Variants in USP53 observed in about 807,000 individuals in gnomAD.
USP53 encodes the protein ubiquitin specific peptidase 53, also known as ubiquitin carboxyl-terminal hydrolase 53.
USP53 carries 71 observed loss-of-function variants against 94.9 expected under a neutral mutation model. The ratio of observed to expected loss-of-function variants is 0.75; its 90% CI spans 0.62 to 0.91. USP53 has a LOEUF of 0.91. USP53 is among the 40% of genes least tolerant of loss of function. The pLI is 0.00. For missense variants in USP53, 1,173 were observed against 1,281.0 expected (o/e 0.92, Z 1.29); for synonymous variants, 375 against 422.7 (o/e 0.89, Z 1.39).
intron 7 of USP53, among the ~76,000 whole-genome samples, chr4:119,250,327 A>G (rs1462322481): frequency 1.3e-5 from 2 of 152,160 alleles, no homozygotes; most frequent in African/African-American, 4.8e-5. Context: ...CACCCAATCC[A>G]TTCTCTGTAG....
In USP53 at chr4:119,256,312, A is replaced by G; in HGVS notation, c.439A>G (p.Lys147Glu). ...CAGAGATGCAGACATGTGTACCTCT[A>G]AATCTTGTATCACTCACCAGAAGTT... The part of the protein sequence containing the change: ...PSRDADMCTS[K>E]SCITHQKFAM... The change falls in exon 8 of 19, where the codon AAA (lysine) becomes GAA (glutamate). Residue 147 changes from lysine (K) to glutamate (E), a missense_variant. Transcript: ENST00000692078. 1 of 1,614,012 alleles carries G rather than the reference A, an allele frequency of 6.2e-7. No homozygotes were observed. Among genetic ancestry groups the G allele is most frequent in the Non-Finnish European group, 8.5e-7 (1 of 1,179,974 alleles).
intron 7 of USP53, among the ~76,000 whole-genome samples, chr4:119,255,627 T>C (rs1161214395): frequency 1.3e-5 from 2 of 151,890 alleles, no homozygotes; most frequent in Non-Finnish European, 2.9e-5. Context: ...TCGGCAGGAG[T>C]GTATGGCTCC....
intron 15 of USP53, among the ~76,000 whole-genome samples, chr4:119,270,540 C>G (rs1430974024): frequency 6.6e-6 from 1 of 152,146 alleles, no homozygotes; most frequent in African/African-American, 2.4e-5. Flanking sequence ...ATATAATTCA[C>G]TCATGGCACA....
At position 119,261,800 on chromosome 4, in the gene USP53, G is replaced by T. The variant is rs201979435; in HGVS notation, c.908G>T (p.Cys303Phe). The T allele has an allele frequency of 4.4e-5, 67 of 1,526,282 alleles. No individual in the cohort carries two copies. Among genetic ancestry groups the T allele is most frequent in the Non-Finnish European group, 5.6e-5 (63 of 1,120,138 alleles). 94.5% of individuals were successfully genotyped at this position (1,526,282 alleles called of 1,614,324 possible). A position where few individuals can be genotyped will look rare whatever the true frequency, so the allele number is the denominator to read the frequency against. The change falls in exon 12 of 19, where the codon TGT becomes TTT. Residue 303 changes from cysteine to phenylalanine, a missense_variant. By Grantham distance (205) the Cys-to-Phe change is radical. Coordinates refer to ENST00000692078, the MANE Select transcript of USP53 (RefSeq NM_001371395.1). ...ATCTGCTACACCAGCCAACATTATT[G>T]TGCCTTTGCATTTCACACCAAAAGT... ...GMICYTSQHY[C>F]AFAFHTKSSK...
At chr4:119,212,637 TG>T, upstream of USP53, 1 of 376,580 alleles carries the variant, frequency 2.7e-6, no homozygotes, top group South Asian at 1.9e-5. Flanking sequence ...GACTGGTCCC[TG>T]GGTATTGGGG....
intron 3 of USP53, among the ~76,000 whole-genome samples, chr4:119,231,469 C>G (rs1379759787): frequency 6.6e-6 from 1 of 152,036 alleles, no homozygotes; most frequent in Non-Finnish European, 1.5e-5. Context: ...AAAGAAGGTA[C>G]CTCTTCCCTT....
At chr4:119,263,703 A>G (rs1750769731) in intron 12 of USP53, among the ~76,000 whole-genome samples, 1 of 152,196 alleles carries the variant, frequency 6.6e-6, no homozygotes, top group Non-Finnish European at 1.5e-5. Flanking sequence ...GAACCTTCAG[A>G]AAAGTATTAC....
At position 119,260,573 on chromosome 4, in the gene USP53, G is replaced by A; in HGVS notation, c.742G>A (p.Gly248Ser). The A allele has an allele frequency of 1.9e-6, 3 of 1,613,972 alleles. No individual in the cohort carries two copies. The highest frequency in any genetic ancestry group is 2.5e-6 in the Non-Finnish European group (3 of 1,179,912). The stretch of plus-strand genomic sequence containing the variant: ...GAATTGCCCAGAGATTGTTACAATT[G>A]GTTTAGTCTGGGACTCCGAGCATTC... ...LMNCPEIVTI[G>S]LVWDSEHSDL... is the part of the protein sequence containing the mutation. The change falls in exon 11 of 19, where the codon GGT becomes AGT. Residue 248 changes from glycine (G) to serine (S), a missense_variant. Transcript: ENST00000692078.
intron 6 of USP53, among the ~76,000 whole-genome samples, 159 bp from the exon 7 acceptor site, chr4:119,248,589 G>A (rs1748556079): frequency 6.6e-6 from 1 of 152,144 alleles, no homozygotes; most frequent in Non-Finnish European, 1.5e-5. Flanking sequence ...TTCTACACTT[G>A]ATGATACAAA....
intron 3 of USP53, among the ~76,000 whole-genome samples, chr4:119,225,525 T>C (rs777249186): frequency 2.7e-4 from 41 of 152,098 alleles, no homozygotes; most frequent in Admixed American, 1.2e-3. Context: ...GGCGGGCAGA[T>C]CACGAGGTCC....
chr4:119,259,732 C>A, intron 9 of USP53, 88 bp from the exon 10 acceptor site: 2 of 850,446 alleles, frequency 2.4e-6, no homozygotes, highest in Non-Finnish European at 3.5e-6. Context: ...AAAAGTGATG[C>A]ACATCTAAAC....
At chr4:119,273,520 C>G in intron 16 of USP53, 112 bp from the exon 17 acceptor site, 2 of 689,432 alleles carry the variant, frequency 2.9e-6, no homozygotes, top group Non-Finnish European at 4.9e-6. Flanking sequence ...TACATTAAGC[C>G]CTAGAACAGC....
At chr4:119,226,072 A>G (rs948088702) in intron 3 of USP53, among the ~76,000 whole-genome samples, 1 of 152,206 alleles carries the variant, frequency 6.6e-6, no homozygotes, top group African/African-American at 2.4e-5. Context: ...AGAATCATAT[A>G]ATCATCTCAG....
At chr4:119,280,437 G>A (rs1254645366) in intron 17 of USP53, among the ~76,000 whole-genome samples, 2 of 152,092 alleles carry the variant, frequency 1.3e-5, no homozygotes, top group East Asian at 3.8e-4. Flanking sequence ...TGATAGCTTA[G>A]AAACTGGCTG....
At chr4:119,270,710 G>A (rs1051799295) in intron 15 of USP53, among the ~76,000 whole-genome samples, 4 of 152,124 alleles carry the variant, frequency 2.6e-5, no homozygotes, top group Admixed American at 2.0e-4. Context: ...TAATTTAACT[G>A]ATAGTGATAG....
chr4:119,286,097 T>C (rs1463149078), intron 17 of USP53, among the ~76,000 whole-genome samples: 1 of 151,890 alleles, frequency 6.6e-6, no homozygotes. Flanking sequence ...GTAGTAAATT[T>C]ATCCATAAAT....
At chr4:119,213,641 G>GATATATAT (rs141285286) in intron 1 of USP53, among the ~76,000 whole-genome samples, 2,359 of 108,052 alleles carry the variant, frequency 0.022, 93 homozygotes, top group East Asian at 0.078. Context: ...TCTGGAAATA[G>GATATATAT]ATATATATAT....
intron 3 of USP53, among the ~76,000 whole-genome samples, chr4:119,225,892 A>G (rs1338272290): frequency 6.6e-6 from 1 of 152,256 alleles, no homozygotes; most frequent in Non-Finnish European, 1.5e-5. Context: ...ATGCATAAAA[A>G]GAATAGGTTT....
At position 119,271,807 on chromosome 4, in the gene USP53, A is replaced by G. The variant is rs1319702880; in HGVS notation, c.1947A>G (p.Glu649=). 1 of 1,612,704 alleles carries G rather than the reference A, an allele frequency of 6.2e-7. No individual in the cohort carries two copies. Among genetic ancestry groups the G allele is most frequent in the African/African-American group, 1.3e-5 (1 of 74,790 alleles). Residue 649 remains glutamate (E), a synonymous_variant, in exon 16 of 19, where the codon GAA becomes GAG. Coordinates refer to ENST00000692078, the MANE Select transcript of USP53 (RefSeq NM_001371395.1). ...MTIYEDEMKQ[E]IGSRSSLESN... is the part of the protein sequence containing the mutation. Reference sequence around the variant, plus strand: ...TATATGAAGATGAAATGAAGCAGGAAATAGGAAGCAGAAGTTCCCTTGAAT... The same window carrying G: ...TATATGAAGATGAAATGAAGCAGGAGATAGGAAGCAGAAGTTCCCTTGAAT...
Sources: gnomAD v4.1 joint callset for allele counts (sites outside exome capture counted in the v4.1 genomes callset) on GRCh38, gnomAD v4.1.1 for gene constraint, MANE v1.5 for transcripts, NCBI Gene and HGNC (gene_info 2026-07-23, HGNC 2026-07-21) for gene names.